EPHB1: variants seen among roughly 807,000 people sequenced by gnomAD.
The protein encoded by EPHB1 is EPH receptor B1.
EPHB1 carries 30 observed loss-of-function variants against 94.4 expected under a neutral mutation model. The ratio of observed to expected loss-of-function variants is 0.32; its 90% CI spans 0.24 to 0.43. EPHB1 has a LOEUF of 0.43. Ranked by LOEUF, EPHB1 falls within the 20% of genes least tolerant of loss-of-function variation. EPHB1 has a pLI of 1.00. For missense variants in EPHB1, 1,055 were observed against 1,308.3 expected (o/e 0.81, Z 2.99); for synonymous variants, 522 against 489.1 (o/e 1.07, Z -0.89).
intron 3 of EPHB1, among the ~76,000 whole-genome samples, chr3:135,057,786 C>T (rs896688834): frequency 7.9e-5 from 12 of 152,194 alleles, no homozygotes; most frequent in Non-Finnish European, 4.4e-5. Context: ...TACATGAAAG[C>T]GTGTCCTATG....
rs143587188 is a variant in EPHB1 at position 134,828,328 on chromosome 3, A to G, written c.58+32639A>G. Among the ~76,000 whole-genome samples, 200 of 152,338 alleles carry G rather than the reference A, an allele frequency of 1.3e-3. 1 individual carries two copies. The highest frequency in any genetic ancestry group is 2.4e-3 in the Non-Finnish European group (166 of 68,036). ...CTTAATAGACTTTGAATATAGTGTA[A>G]TGAGAAGTTTGGTGTGGTTCTCACA... On this transcript the variant is annotated intron_variant, in intron 1 of 15. Transcript: ENST00000398015.
intron 1 of EPHB1, among the ~76,000 whole-genome samples, chr3:134,860,166 C>CACAG (rs1553858709): frequency 9.4e-5 from 12 of 127,540 alleles, no homozygotes; most frequent in African/African-American, 4.4e-4. Flanking sequence ...CACACACACA[C>CACAG]ACACAGACAC....
chr3:135,044,865 T>A (rs1936952058), intron 3 of EPHB1, among the ~76,000 whole-genome samples: 1 of 151,772 alleles, frequency 6.6e-6, no homozygotes, highest in Admixed American at 6.5e-5. Flanking sequence ...AGTATAGAAA[T>A]GTTTTTTCCA....
At chr3:134,911,054 G>C (rs1214428663) in intron 1 of EPHB1, among the ~76,000 whole-genome samples, 1 of 152,236 alleles carries the variant, frequency 6.6e-6, no homozygotes, top group African/African-American at 2.4e-5. Context: ...CAGACTCAGT[G>C]GCTTAAGTTA....
chr3:135,073,209 C>T (rs934404325), intron 3 of EPHB1, among the ~76,000 whole-genome samples: 1 of 152,018 alleles, frequency 6.6e-6, no homozygotes, highest in Non-Finnish European at 1.5e-5. Flanking sequence ...AACATAGGCC[C>T]TGCTTTTATG....
At chr3:134,857,441 G>A (rs910792363) in intron 1 of EPHB1, among the ~76,000 whole-genome samples, 4 of 152,204 alleles carry the variant, frequency 2.6e-5, no homozygotes, top group Admixed American at 6.5e-5. Context: ...TTTTCACCAG[G>A]ACGCGTATGG....
chr3:135,044,864 A>C (rs1936951940), intron 3 of EPHB1, among the ~76,000 whole-genome samples: 1 of 151,708 alleles, frequency 6.6e-6, no homozygotes, highest in Admixed American at 6.6e-5. Flanking sequence ...TAGTATAGAA[A>C]TGTTTTTTCC....
intron 5 of EPHB1, among the ~76,000 whole-genome samples, chr3:135,137,519 C>A (rs146714374): frequency 6.6e-6 from 1 of 152,128 alleles, no homozygotes. Flanking sequence ...CATTCCACCA[C>A]GGGGCAGTCA....
intron 1 of EPHB1, among the ~76,000 whole-genome samples, chr3:134,895,200 G>C (rs1439141283): frequency 6.6e-6 from 1 of 152,174 alleles, no homozygotes; most frequent in Non-Finnish European, 1.5e-5. Flanking sequence ...CCACTGCATT[G>C]AGGGCCACCT....
At chr3:135,130,934 A>G (rs1213257344) in intron 4 of EPHB1, among the ~76,000 whole-genome samples, 1 of 152,222 alleles carries the variant, frequency 6.6e-6, no homozygotes, top group Non-Finnish European at 1.5e-5. Flanking sequence ...TATGAGTCCC[A>G]TCAGTCAGAA....
chr3:135,022,457 TC>T (rs1936020095), intron 3 of EPHB1, among the ~76,000 whole-genome samples: 1 of 152,208 alleles, frequency 6.6e-6, no homozygotes, highest in African/African-American at 2.4e-5. Flanking sequence ...GAATTATGTT[TC>T]TTAAAAGTTT....
intron 3 of EPHB1, among the ~76,000 whole-genome samples, chr3:135,018,673 C>T (rs1407181614): frequency 6.6e-6 from 1 of 152,154 alleles, no homozygotes; most frequent in East Asian, 1.9e-4. Context: ...CACCAGCAAC[C>T]ACAATCCACC....
intron 3 of EPHB1, among the ~76,000 whole-genome samples, chr3:135,095,599 C>T (rs1339731477): frequency 6.6e-6 from 1 of 152,182 alleles, no homozygotes; most frequent in Non-Finnish European, 1.5e-5. Context: ...CAGGGTAAAG[C>T]CATGGGCCGA....
At chr3:134,882,658 CTCCTTCCT>C (rs146478163) in intron 1 of EPHB1, among the ~76,000 whole-genome samples, 3 of 148,478 alleles carry the variant, frequency 2.0e-5, no homozygotes, top group East Asian at 2.0e-4. Context: ...CAATCTTTCT[CTCCTTCCT>C]TCCTTCCTTC....
intron 1 of EPHB1, among the ~76,000 whole-genome samples, chr3:134,917,975 G>T (rs2038607004): frequency 6.6e-6 from 1 of 152,226 alleles, no homozygotes; most frequent in Non-Finnish European, 1.5e-5. Context: ...TAGTGTTTTG[G>T]CATTCAGCCT....
At chr3:134,886,662 G>A (rs1017114418) in intron 1 of EPHB1, among the ~76,000 whole-genome samples, 16 of 152,164 alleles carry the variant, frequency 1.1e-4, no homozygotes, top group African/African-American at 3.4e-4. Flanking sequence ...CTAATAGCAT[G>A]TAATATTTCT....
chr3:135,045,100 A>T (rs1433304826), intron 3 of EPHB1, among the ~76,000 whole-genome samples: 1 of 152,184 alleles, frequency 6.6e-6, no homozygotes, highest in Admixed American at 6.5e-5. Flanking sequence ...AACTATTTTC[A>T]CAATAACACT....
rs147234912 is a variant in EPHB1, at chr3:135,169,650, G to A, written c.1759+2644G>A. On this transcript the variant is annotated intron_variant, in intron 9 of 15. Coordinates refer to ENST00000398015, the MANE Select transcript of EPHB1 (RefSeq NM_004441.5). Reference sequence around the variant, plus strand: ...GGGAAACTGAAGGCTCTGATGGAGGGAGGGCCTGGCCAAAGAGGGGGTAGG... The same window carrying A: ...GGGAAACTGAAGGCTCTGATGGAGGAAGGGCCTGGCCAAAGAGGGGGTAGG... 2.8e-3 allele frequency among the ~76,000 whole-genome samples: 433 copies of A among 152,324 alleles called. 4 individuals carry two copies. The highest frequency in any genetic ancestry group is 9.9e-3 in the African/African-American group (412 of 41,578).
intron 2 of EPHB1, among the ~76,000 whole-genome samples, chr3:134,933,568 T>A (rs1362572847): frequency 2.0e-5 from 3 of 152,238 alleles, no homozygotes; most frequent in Non-Finnish European, 4.4e-5. Context: ...AATCTATCAC[T>A]GTATGACAGA....
Sources: gnomAD v4.1 joint callset for allele counts (sites outside exome capture counted in the v4.1 genomes callset) on GRCh38, gnomAD v4.1.1 for gene constraint, MANE v1.5 for transcripts, NCBI Gene and HGNC (gene_info 2026-07-23, HGNC 2026-07-21) for gene names.